The following KDM4C variants were observed in gnomAD, a reference collection of about 807,000 sequenced individuals.
KDM4C encodes the protein lysine-specific demethylase 4C.
A neutral mutation model predicts 129.3 loss-of-function variants in KDM4C; 81 were observed. The ratio of observed to expected loss-of-function variants is 0.63; its 90% CI spans 0.52 to 0.75. The LOEUF (loss-of-function observed/expected upper bound fraction) is 0.75, where lower values mean the gene tolerates loss of function less well. Among genes scored for constraint, KDM4C ranks in the 30% least tolerant of loss-of-function variants. The pLI is 0.00. For missense variants in KDM4C, 1,457 were observed against 1,304.0 expected (o/e 1.12, Z -1.81); for synonymous variants, 573 against 456.1 (o/e 1.26, Z -3.26).
chr9:6,919,255 C>CTTTCTTTTCT (rs1554643792), intron 8 of KDM4C, among the ~76,000 whole-genome samples: 8 of 122,622 alleles, frequency 6.5e-5, no homozygotes, highest in African/African-American at 2.7e-4. Flanking sequence ...TCTTTTCTTT[C>CTTTCTTTTCT]TTTCTTTCTT....
chr9:7,022,681 ACT>A (rs1825094396), intron 15 of KDM4C, among the ~76,000 whole-genome samples: 1 of 137,476 alleles, frequency 7.3e-6, no homozygotes, highest in African/African-American at 2.7e-5. Context: ...GATTTCCAGT[ACT>A]GTGTTGAAGA....
At chr9:7,146,457 C>T (rs923626742) in intron 19 of KDM4C, among the ~76,000 whole-genome samples, 2 of 152,196 alleles carry the variant, frequency 1.3e-5, no homozygotes, top group African/African-American at 4.8e-5. Flanking sequence ...TTTTTGATCT[C>T]TAGCTCTTGT....
chr9:7,019,577 T>C (rs896026697), intron 15 of KDM4C, among the ~76,000 whole-genome samples: 2 of 151,414 alleles, frequency 1.3e-5, no homozygotes, highest in Non-Finnish European at 2.9e-5. Flanking sequence ...GGTGTTTCCT[T>C]TCATGGTAAG....
chr9:6,821,309 G>A (rs1832990911), intron 4 of KDM4C, among the ~76,000 whole-genome samples: 1 of 152,154 alleles, frequency 6.6e-6, no homozygotes, highest in African/African-American at 2.4e-5. Flanking sequence ...GTCTTCCACA[G>A]TGGTTGAACT....
At chr9:6,920,458 G>C (rs530335031) in intron 8 of KDM4C, among the ~76,000 whole-genome samples, 6 of 152,146 alleles carry the variant, frequency 3.9e-5, no homozygotes, top group Non-Finnish European at 8.8e-5. Context: ...AGCTACTCAG[G>C]AGACTGAGGC....
At chr9:6,983,026 C>G (rs56187542) in intron 9 of KDM4C, among the ~76,000 whole-genome samples, 1,582 of 152,272 alleles carry the variant, frequency 0.01, 16 homozygotes, top group Non-Finnish European at 0.015. Flanking sequence ...TGTCAGCCTT[C>G]TTTTTTTCAC....
chr9:7,095,043 C>G (rs1405070874), intron 17 of KDM4C, among the ~76,000 whole-genome samples: 1 of 152,142 alleles, frequency 6.6e-6, no homozygotes, highest in Non-Finnish European at 1.5e-5. Context: ...ACCACTCTAA[C>G]CAAGGTAAGT....
At chr9:7,058,751 A>G (rs1831218696) in intron 17 of KDM4C, among the ~76,000 whole-genome samples, 1 of 152,238 alleles carries the variant, frequency 6.6e-6, no homozygotes, top group Admixed American at 6.5e-5. Context: ...ACGATAGGAA[A>G]TACTTAGAAA....
At chr9:6,964,234 C>A (rs1017188316) in intron 8 of KDM4C, among the ~76,000 whole-genome samples, 3 of 139,784 alleles carry the variant, frequency 2.1e-5, no homozygotes, top group Non-Finnish European at 3.1e-5. Context: ...TGCTATCCCT[C>A]CCCCCTCCCC....
intron 5 of KDM4C, among the ~76,000 whole-genome samples, chr9:6,858,283 G>A (rs753148662): frequency 7.9e-5 from 12 of 151,906 alleles, no homozygotes; most frequent in Non-Finnish European, 1.5e-4. Context: ...TGCTCAGTAA[G>A]GGCGTGTAAA....
intron 2 of KDM4C, among the ~76,000 whole-genome samples, chr9:6,798,544 AC>A (rs1027856116): frequency 2.6e-5 from 4 of 152,128 alleles, no homozygotes; most frequent in African/African-American, 9.7e-5. Context: ...TTCAGAGAGC[AC>A]AGGGTTGGGG....
At chr9:6,921,571 T>C (rs757319089) in intron 8 of KDM4C, among the ~76,000 whole-genome samples, 4 of 152,214 alleles carry the variant, frequency 2.6e-5, no homozygotes, top group Non-Finnish European at 5.9e-5. Flanking sequence ...CCAACCACTA[T>C]AAGTCATTGG....
intron 6 of KDM4C, among the ~76,000 whole-genome samples, chr9:6,881,902 TTAGAATG>T (rs975753720): frequency 2.6e-5 from 4 of 152,226 alleles, no homozygotes; most frequent in Non-Finnish European, 5.9e-5. Context: ...ATGGAGCATT[TTAGAATG>T]TCTAGCTGAT....
intron 4 of KDM4C, among the ~76,000 whole-genome samples, chr9:6,838,265 A>G (rs1836246802): frequency 6.6e-6 from 1 of 152,098 alleles, no homozygotes. Flanking sequence ...GTCCTGCTTG[A>G]GGGGCTGGTC....
chr9:6,896,078 C>A (rs1472222886), intron 8 of KDM4C, among the ~76,000 whole-genome samples: 2 of 152,092 alleles, frequency 1.3e-5, no homozygotes, highest in African/African-American at 2.4e-5. Flanking sequence ...AGTTTCTAAT[C>A]CCTGGCAAAT....
chr9:6,813,491 G>A (rs1308871855), intron 3 of KDM4C, among the ~76,000 whole-genome samples: 1 of 152,164 alleles, frequency 6.6e-6, no homozygotes, highest in Non-Finnish European at 1.5e-5. Context: ...AACTAGTTTG[G>A]GGTCCCCAGT....
At position 7,039,550 on chromosome 9, in the gene KDM4C, A is replaced by G. The variant is rs184403839; in HGVS notation, c.2260-7312A>G. Among the ~76,000 whole-genome samples, 225 of 152,192 alleles carry G rather than the reference A, an allele frequency of 1.5e-3. No homozygotes were observed. In the Middle Eastern group the frequency reaches 0.02, roughly 14 times the overall value. The stretch of plus-strand genomic sequence containing the variant: ...ACCCCCAGTTCAGCTAAAAATCTGC[A>G]TATAACTTTGGACTCCCCCAATACC... On this transcript the variant is annotated intron_variant, in intron 15 of 21. Coordinates refer to ENST00000381309, the MANE Select transcript of KDM4C (RefSeq NM_015061.6).
chr9:7,165,882 A>T (rs1326476633), intron 20 of KDM4C, among the ~76,000 whole-genome samples: 2 of 152,248 alleles, frequency 1.3e-5, no homozygotes, highest in Non-Finnish European at 2.9e-5. Context: ...ATGCTTGTTT[A>T]AATGAAAAGT....
At chr9:7,032,803 T>C (rs1826999786) in intron 15 of KDM4C, among the ~76,000 whole-genome samples, 1 of 152,218 alleles carries the variant, frequency 6.6e-6, no homozygotes, top group Non-Finnish European at 1.5e-5. Flanking sequence ...GAACAATGTA[T>C]TTGACTAGTT....
Sources: gnomAD v4.1 joint callset for allele counts (sites outside exome capture counted in the v4.1 genomes callset) on GRCh38, gnomAD v4.1.1 for gene constraint, MANE v1.5 for transcripts, NCBI Gene and HGNC (gene_info 2026-07-23, HGNC 2026-07-21) for gene names.